Variants in ART3 observed in about 807,000 individuals in gnomAD.
ART3 encodes the protein ADP-ribosyltransferase 3 (inactive), also known as ecto-ADP-ribosyltransferase 3.
ART3 carries 49 observed loss-of-function variants against 48.5 expected under a neutral mutation model. The observed-to-expected ratio is 1.01, with a 90% CI of 0.80 to 1.28. The LOEUF (loss-of-function observed/expected upper bound fraction) is 1.28. ART3 is among the 50% of genes most tolerant of loss of function. The pLI, the probability that ART3 is intolerant of heterozygous loss-of-function variation, is 0.00. For synonymous variants in ART3, 145 were observed against 157.2 expected, an observed-to-expected ratio of 0.92 and a Z score of 0.58; for missense variants, 438 against 454.3, an observed-to-expected ratio of 0.96 and a Z score of 0.33.
intron 11 of ART3, among the ~76,000 whole-genome samples, chr4:76,110,744 C>T (rs1425649766): frequency 6.6e-6 from 1 of 152,010 alleles, no homozygotes; most frequent in Non-Finnish European, 1.5e-5. Context: ...TCCACTTATA[C>T]ATGGATTTTT....
chr4:76,023,480 G>T, intron 1 of ART3: 1 of 1,528,034 alleles, frequency 6.5e-7, no homozygotes, highest in Non-Finnish European at 9.1e-7. Flanking sequence ...ATATGTCTAA[G>T]CAATTGAGGA....
chr4:76,080,090 A>G (rs1291593522), intron 2 of ART3, among the ~76,000 whole-genome samples: 1 of 152,214 alleles, frequency 6.6e-6, no homozygotes, highest in Non-Finnish European at 1.5e-5. Context: ...ATACAAGTAT[A>G]GACTAATGGA....
chr4:76,110,210 A>G (rs1262883153), intron 11 of ART3, among the ~76,000 whole-genome samples: 1 of 152,212 alleles, frequency 6.6e-6, no homozygotes, highest in Non-Finnish European at 1.5e-5. Flanking sequence ...TGGATCGAAA[A>G]TATTTGTGGG....
chr4:76,112,178 G>A (rs62318928), intron 11 of ART3, among the ~76,000 whole-genome samples: 20,021 of 152,212 alleles, frequency 0.13, 1,541 homozygotes, highest in East Asian at 0.35. Flanking sequence ...CCCAACACCC[G>A]TATTAAGGGT....
rs371143980 is a variant in ART3 at position 76,076,153 on chromosome 4, T to C, written c.69+195T>C. 1.2e-3 allele frequency among the ~76,000 whole-genome samples: 176 copies of C among 152,144 alleles called. 3 individuals carry two copies. The East Asian group carries it at 0.031, about 27-fold the overall frequency. On this transcript the variant is annotated intron_variant, in intron 2 of 11. Transcript: ENST00000355810. ...CCCAGTAGCTAGGACTACAGGCGCC[T>C]GCCACCACGCCTGGCTAATTTTTTG...
At chr4:76,089,071 T>C (rs944825564) in intron 3 of ART3, among the ~76,000 whole-genome samples, 2 of 152,170 alleles carry the variant, frequency 1.3e-5, no homozygotes, top group African/African-American at 4.8e-5. Flanking sequence ...TTTGAAAAAA[T>C]AGCACATACT....
chr4:76,110,066 G>T (rs1055396697), intron 11 of ART3, among the ~76,000 whole-genome samples: 1 of 152,016 alleles, frequency 6.6e-6, no homozygotes, highest in Non-Finnish European at 1.5e-5. Flanking sequence ...AAATGAAAGG[G>T]AAAGAGTTTC....
chr4:76,095,412 G>A (rs1021626255), intron 3 of ART3, among the ~76,000 whole-genome samples: 3 of 152,304 alleles, frequency 2.0e-5, no homozygotes. Flanking sequence ...GGAGGCTGAG[G>A]CAGGAGAATT....
chr4:76,110,893 A>C (rs1729351072), intron 11 of ART3, among the ~76,000 whole-genome samples: 1 of 152,172 alleles, frequency 6.6e-6, no homozygotes, highest in South Asian at 2.1e-4. Flanking sequence ...TGTAGATGCT[A>C]GTCTATTTTT....
chr4:76,084,065 GT>G (rs980326585), intron 3 of ART3, among the ~76,000 whole-genome samples: 7 of 151,916 alleles, frequency 4.6e-5, no homozygotes, highest in Non-Finnish European at 8.8e-5. Flanking sequence ...TGTTTCCTTA[GT>G]TTTTTTAATA....
exon 1 of ART3, chr4:76,011,304 C>G (rs1731765159): frequency 6.6e-6 from 1 of 152,504 alleles, no homozygotes; most frequent in Admixed American, 6.5e-5. Flanking sequence ...CGAAGAGAAG[C>G]ACTTTGGGGG....
chr4:76,025,027 G>A (rs74810361), intron 1 of ART3, among the ~76,000 whole-genome samples: 7,751 of 152,216 alleles, frequency 0.051, 243 homozygotes, highest in South Asian at 0.14. Flanking sequence ...TCTGTTCTAG[G>A]AACTGGAATA....
At chr4:76,065,030 C>T (rs560246589) in intron 1 of ART3, among the ~76,000 whole-genome samples, 41 of 152,148 alleles carry the variant, frequency 2.7e-4, no homozygotes, top group Admixed American at 2.6e-3. Context: ...CGAGGTTTCA[C>T]CATGTTGGCC....
At position 76,045,167 on chromosome 4, in the gene ART3, C is replaced by T. The variant is rs1432516175; in HGVS notation, c.-9-30714C>T. On this transcript the variant is annotated intron_variant, in intron 1 of 9. Coordinates refer to the ART3 transcript ENST00000341029. ...ATCCCATTCTTCACAAATGAACTTC[C>T]ATCGGTATATAGGTTAAGGTCAGGA... Among the ~76,000 whole-genome samples, 3 of 151,942 alleles carry T rather than the reference C, an allele frequency of 2.0e-5. No homozygotes were observed. The East Asian group carries it at 5.8e-4, about 29-fold the overall frequency.
At chr4:76,097,369 T>C (rs1265329351) in intron 3 of ART3, among the ~76,000 whole-genome samples, 2 of 151,610 alleles carry the variant, frequency 1.3e-5, no homozygotes, top group Non-Finnish European at 2.9e-5. Context: ...CATGCCTGGC[T>C]AATTTAAAAA....
In ART3 at chr4:76,045,770, G is replaced by A. The variant is rs200358797; in HGVS notation, c.-9-30111G>A. 8.9e-4 allele frequency among the ~76,000 whole-genome samples: 136 copies of A among 152,080 alleles called. 1 individual carries two copies. The highest frequency in any genetic ancestry group is 3.2e-3 in the African/African-American group (133 of 41,532). On this transcript the variant is annotated intron_variant, in intron 1 of 9. Transcript: ENST00000341029. ...TGCCCTCTGGGTTTCCTTGATTAGA[G>A]TATAGAGGGGCCTGGCTATCTTGCT...
chr4:76,095,839 T>C lies in ART3; in HGVS notation c.782-1805T>C, dbSNP rs76596399. Among the ~76,000 whole-genome samples the C allele has an allele frequency of 9.1e-3, 1,393 of 152,300 alleles. 30 individuals are homozygous for C. The highest frequency in any genetic ancestry group is 0.032 in the African/African-American group (1,332 of 41,552). On this transcript the variant is annotated intron_variant, in intron 3 of 11. Coordinates refer to ENST00000355810, the MANE Select transcript of ART3 (RefSeq NM_001130016.3). ...TCAACTTACATCTGTAGCTTTCTTATCCACAATTCCCCTCACCTTCACCTT... is the reference window on the plus strand; with the variant it reads ...TCAACTTACATCTGTAGCTTTCTTACCCACAATTCCCCTCACCTTCACCTT...
intron 1 of ART3, among the ~76,000 whole-genome samples, chr4:76,027,519 G>A (rs1465459628): frequency 7.0e-6 from 1 of 143,842 alleles, no homozygotes; most frequent in Non-Finnish European, 1.5e-5. Context: ...AGAAAAATTG[G>A]TAGACTCATA....
At chr4:76,065,107 C>T (rs1719598735) in intron 1 of ART3, among the ~76,000 whole-genome samples, 1 of 152,138 alleles carries the variant, frequency 6.6e-6, no homozygotes, top group Non-Finnish European at 1.5e-5. Context: ...GCTGGGATCA[C>T]AGGCGTGAGT....
Sources: gnomAD v4.1 joint callset for allele counts (sites outside exome capture counted in the v4.1 genomes callset) on GRCh38, gnomAD v4.1.1 for gene constraint, MANE v1.5 for transcripts, NCBI Gene and HGNC (gene_info 2026-07-23, HGNC 2026-07-21) for gene names.